The following CDH12 variants were observed in gnomAD, a reference collection of about 807,000 sequenced individuals.
The protein encoded by CDH12 is cadherin-12.
In CDH12, 41 loss-of-function variants were observed where a neutral mutation model predicts 74.1. The ratio of observed to expected loss-of-function variants is 0.55; its 90% CI spans 0.43 to 0.72. CDH12 has a LOEUF of 0.72. Among genes scored for constraint, CDH12 ranks in the 30% least tolerant of loss-of-function variants. The pLI is 0.00. For missense variants in CDH12, 945 were observed against 977.2 expected, an observed-to-expected ratio of 0.97 and a Z score of 0.44; for synonymous variants, 399 against 355.0, an observed-to-expected ratio of 1.12 and a Z score of -1.39.
chr5:22,324,925 A>G (rs1399800918), intron 3 of CDH12, among the ~76,000 whole-genome samples: 2 of 152,208 alleles, frequency 1.3e-5, no homozygotes, highest in Admixed American at 1.3e-4. Context: ...TAACTTAATA[A>G]AGCATGATGG....
intron 4 of CDH12, among the ~76,000 whole-genome samples, chr5:22,198,692 G>C (rs1245149255): frequency 6.6e-6 from 1 of 151,960 alleles, no homozygotes; most frequent in Non-Finnish European, 1.5e-5. Flanking sequence ...ACTCAAGGCA[G>C]GTATTTGAAT....
intron 5 of CDH12, among the ~76,000 whole-genome samples, chr5:22,053,447 G>A (rs112804442): frequency 2.0e-4 from 30 of 152,076 alleles, no homozygotes; most frequent in African/African-American, 7.0e-4. Flanking sequence ...TGCTTTATGT[G>A]CCAGGAAGCA....
chr5:21,882,805 A>G (rs569860926), intron 6 of CDH12: 14 of 1,564,070 alleles, frequency 9.0e-6, no homozygotes, highest in East Asian at 2.2e-5. Context: ...GGAAGTCCCA[A>G]CGTAACAAAA....
intron 6 of CDH12, among the ~76,000 whole-genome samples, chr5:21,926,552 T>TATGGCTTG (rs1176224449): frequency 6.6e-6 from 1 of 152,196 alleles, no homozygotes; most frequent in Admixed American, 6.5e-5. Context: ...GTGCCAGCCT[T>TATGGCTTG]ATGGCTTGAG....
chr5:22,544,049 A>T (rs1580750227), intron 1 of CDH12, among the ~76,000 whole-genome samples: 1 of 152,146 alleles, frequency 6.6e-6, no homozygotes, highest in East Asian at 1.9e-4. Context: ...AAAAATGCCA[A>T]TACCAATGGA....
At chr5:22,797,144 AT>A (rs1361047864) in intron 1 of CDH12, among the ~76,000 whole-genome samples, 1 of 144,622 alleles carries the variant, frequency 6.9e-6, no homozygotes, top group African/African-American at 2.5e-5. Context: ...TAAATAGATT[AT>A]GAGGGTGGAG....
chr5:22,487,674 T>C (rs943565952), intron 2 of CDH12, among the ~76,000 whole-genome samples: 7 of 152,218 alleles, frequency 4.6e-5, no homozygotes, highest in Admixed American at 2.0e-4. Flanking sequence ...AAATATTCAT[T>C]GCTCATTGAC....
At chr5:21,755,219 C>A (rs1026876208) in intron 14 of CDH12, among the ~76,000 whole-genome samples, 2 of 152,106 alleles carry the variant, frequency 1.3e-5, no homozygotes, top group African/African-American at 4.8e-5. Context: ...TAGACAGCAG[C>A]AATTACTAGG....
intron 8 of CDH12, among the ~76,000 whole-genome samples, chr5:21,817,760 C>G (rs1013392391): frequency 6.4e-4 from 97 of 151,886 alleles, no homozygotes; most frequent in Non-Finnish European, 2.9e-4. Flanking sequence ...TTTCTATATA[C>G]TTTTACTGAT....
In CDH12 at chr5:21,783,421, T is replaced by A; in HGVS notation, c.1330A>T (p.Asn444Tyr). The change falls in exon 11 of 15, where the codon AAT (asparagine) becomes TAT (tyrosine). Residue 444 changes from asparagine (N) to tyrosine (Y), a missense_variant. Physicochemically the swap from Asn to Tyr is moderately radical, Grantham distance 143. Around this residue, in one of 3 missense-constraint regions of CDH12, gnomAD observed 791 missense variants for 792.8 expected, o/e 1.00. Coordinates refer to ENST00000382254, the MANE Select transcript of CDH12 (RefSeq NM_004061.5). ...GTGCTTTCTCTGTCTAGTAATTCAT[T>A]AGTGGCGATGGTTCCTTCATTTCCA... ...IDGNEGTIAT[N>Y]ELLDRESTAQ... The A allele has an allele frequency of 6.2e-7, 1 of 1,610,398 alleles. No individual in the cohort carries two copies. The highest frequency in any genetic ancestry group is 2.2e-5 in the East Asian group (1 of 44,834).
At chr5:22,464,754 C>A (rs1745656071) in intron 2 of CDH12, among the ~76,000 whole-genome samples, 2 of 152,004 alleles carry the variant, frequency 1.3e-5, no homozygotes, top group Admixed American at 6.6e-5. Context: ...GTAATCCCAG[C>A]ACTTTGGGAA....
intron 3 of CDH12, among the ~76,000 whole-genome samples, chr5:22,287,923 G>GA (rs1737227072): frequency 6.6e-6 from 1 of 152,022 alleles, no homozygotes; most frequent in African/African-American, 2.4e-5. Context: ...CTAAGATATG[G>GA]CTATTCCGTA....
At chr5:21,917,773 A>G (rs1386405252) in intron 6 of CDH12, among the ~76,000 whole-genome samples, 65 of 152,218 alleles carry the variant, frequency 4.3e-4, no homozygotes, top group Admixed American at 4.2e-3. Flanking sequence ...ATTTACAGAA[A>G]ATAGATAGTA....
At position 22,055,474 on chromosome 5, in the gene CDH12, C is replaced by T. The variant is rs188293162; in HGVS notation, c.231+22972G>A. Among the ~76,000 whole-genome samples, 305 of 152,272 alleles carry T rather than the reference C, an allele frequency of 2.0e-3. 4 individuals carry two copies. The highest frequency in any genetic ancestry group is 6.7e-3 in the African/African-American group (280 of 41,564). ...TATTTTACTTTTGTCCTAAAAGTCT[C>T]ACAATTCTTGCTCTTTTCCATTTCT... On this transcript the variant is annotated intron_variant, in intron 5 of 14. Transcript: ENST00000382254.
At chr5:22,803,956 TTAC>T (rs2126426343) in intron 1 of CDH12, among the ~76,000 whole-genome samples, 1 of 152,226 alleles carries the variant, frequency 6.6e-6, no homozygotes, top group Admixed American at 6.5e-5. Flanking sequence ...ATTATTTCAA[TTAC>T]TATGAGTCTA....
intron 1 of CDH12, among the ~76,000 whole-genome samples, chr5:22,660,747 C>G (rs1022367161): frequency 6.6e-6 from 1 of 152,106 alleles, no homozygotes; most frequent in African/African-American, 2.4e-5. Context: ...AATTTTGAAA[C>G]ATATTTTGTG....
chr5:21,975,264 T>C lies in CDH12; in HGVS notation c.353A>G (p.Asp118Gly). The C allele has an allele frequency of 6.3e-7, 1 of 1,597,360 alleles. No individual in the cohort carries two copies. Among genetic ancestry groups the C allele is most frequent in the Non-Finnish European group, 8.5e-7 (1 of 1,179,658 alleles). Residue 118 changes from aspartate (D) to glycine (G), a missense_variant, in exon 6 of 15, where the codon GAT becomes GGT. Asp to Gly is a moderately conservative substitution (Grantham distance 94). Transcript: ENST00000382254. The stretch of plus-strand genomic sequence containing the variant: ...AGTGTAGAAAGGTTTCTCTTCTCTA[T>C]CTAGGCTCCTTATTGCATGAATGTC... Reference protein sequence around the residue: ...TGDIHAIRSLDREEKPFYTLR... With the variant: ...TGDIHAIRSLGREEKPFYTLR...
intron 9 of CDH12, among the ~76,000 whole-genome samples, chr5:21,804,404 G>T (rs114970985): frequency 0.027 from 4,161 of 152,044 alleles, 74 homozygotes; most frequent in Middle Eastern, 0.041. Flanking sequence ...CTTATTGCAA[G>T]ACTAGAATGA....
rs187565778 is a variant in CDH12, at chr5:22,133,615, A to G, written c.-186-54753T>C. On this transcript the variant is annotated intron_variant, in intron 4 of 14. Transcript: ENST00000382254. ...CTAAATAAAATAATTCAAAAATCTGATTGTCAGAACCACTGCAATTTCTCT... is the reference window on the plus strand; with the variant it reads ...CTAAATAAAATAATTCAAAAATCTGGTTGTCAGAACCACTGCAATTTCTCT... Among the ~76,000 whole-genome samples, 234 of 152,204 alleles carry G rather than the reference A, an allele frequency of 1.5e-3. 6 individuals carry two copies. The East Asian group carries it at 0.039, about 26-fold the overall frequency.
Sources: gnomAD v4.1 joint callset for allele counts (sites outside exome capture counted in the v4.1 genomes callset) on GRCh38, gnomAD v4.1.1 for gene constraint, gnomAD v4.1.1 regional missense constraint, MANE v1.5 for transcripts, NCBI Gene and HGNC (gene_info 2026-07-23, HGNC 2026-07-21) for gene names.